Variants in ATP6V1B1 observed in about 807,000 individuals in gnomAD.
The protein encoded by ATP6V1B1 is V-type proton ATPase subunit B, kidney isoform.
In ATP6V1B1, 41 loss-of-function variants were observed where a neutral mutation model predicts 62.1. That is an observed-to-expected ratio of 0.66 (90% CI 0.51 to 0.86). The LOEUF is 0.86. Among genes scored for constraint, ATP6V1B1 ranks in the 40% least tolerant of loss-of-function variants. The probability of loss-of-function intolerance (pLI) is 0.00; values close to 1 mark genes in which losing one functional copy is unlikely to be tolerated. For missense variants in ATP6V1B1, 651 were observed against 697.5 expected, an observed-to-expected ratio of 0.93 and a Z score of 0.75; for synonymous variants, 253 against 273.4, an observed-to-expected ratio of 0.93 and a Z score of 0.74.
intron 9 of ATP6V1B1, 99 bp downstream of exon 9, chr2:70,962,999 C>G: frequency 6.2e-7 from 1 of 1,601,556 alleles, no homozygotes; most frequent in Non-Finnish European, 8.5e-7. Context: ...CTGGTCCACC[C>G]AAGCCTGCCC....
intron 2 of ATP6V1B1, among the ~76,000 whole-genome samples, chr2:70,947,172 C>T (rs1378025629): frequency 6.6e-6 from 1 of 151,996 alleles, no homozygotes; most frequent in Non-Finnish European, 1.5e-5. Context: ...GTGTGCAGAC[C>T]TTTGAAGGTA....
At chr2:70,943,322 G>C (rs1332748005) in intron 1 of ATP6V1B1, 7 of 516,228 alleles carry the variant, frequency 1.4e-5, no homozygotes, top group African/African-American at 1.3e-4. Context: ...TGGAGTGAGA[G>C]AGGAGGGAGT....
chr2:70,941,506 A>G (rs1680004674), intron 1 of ATP6V1B1: 1 of 959,322 alleles, frequency 1.0e-6, no homozygotes, highest in Non-Finnish European at 1.2e-6. Flanking sequence ...GCTTCCTCCA[A>G]GCGCACCCAG....
chr2:70,960,555 C>T (rs1680561156), intron 6 of ATP6V1B1, among the ~76,000 whole-genome samples: 2 of 152,316 alleles, frequency 1.3e-5, no homozygotes, highest in South Asian at 4.1e-4. Context: ...TCCTTCCCAG[C>T]TCTGGACATG....
At position 70,961,694 on chromosome 2, in the gene ATP6V1B1, G is replaced by A. The variant is rs727504746; in HGVS notation, c.785+1G>A. 7.4e-6 allele frequency: 12 copies of A among 1,614,132 alleles called. No individual in the cohort carries two copies. The highest frequency in any genetic ancestry group is 1.6e-4 in the Middle Eastern group (1 of 6,062). On this transcript the variant is annotated splice_donor_variant, in intron 8 of 13. Transcript: ENST00000234396. LOFTEE classifies it high-confidence loss of function. ...TCCTGAACTTGGCCAATGACCCCACGTGAGCTTTCCCTGATGCCCAAACTG... is the reference window on the plus strand; with the variant it reads ...TCCTGAACTTGGCCAATGACCCCACATGAGCTTTCCCTGATGCCCAAACTG...
chr2:70,949,292 G>T (rs1680265765), intron 2 of ATP6V1B1, among the ~76,000 whole-genome samples: 1 of 152,136 alleles, frequency 6.6e-6, no homozygotes. Context: ...GGCATAGCAG[G>T]CGATAGTATG....
intron 2 of ATP6V1B1, among the ~76,000 whole-genome samples, chr2:70,953,169 T>C (rs892960312): frequency 2.0e-5 from 3 of 152,228 alleles, no homozygotes; most frequent in Admixed American, 1.3e-4. Flanking sequence ...TTTCACCACG[T>C]TGGCCAGGCT....
rs1195811349 is a variant in ATP6V1B1 at position 70,960,062 on chromosome 2, G to C, written c.569G>C (p.Gly190Ala). 6 of 1,614,088 alleles carry C rather than the reference G, an allele frequency of 3.7e-6. No individual in the cohort carries two copies. The highest frequency in any genetic ancestry group is 5.1e-6 in the Non-Finnish European group (6 of 1,180,054). Residue 190 changes from glycine (G) to alanine (A), a missense_variant, in exon 6 of 14, where the codon GGG becomes GCG. By Grantham distance (60) the Gly-to-Ala change is moderately conservative. Transcript: ENST00000234396. ...AAGATCCCCATCTTCTCAGCAGCCG[G>C]GCTCCCCCACAATGAGGTGAGGCCT... ...GQKIPIFSAA[G>A]LPHNEIAAQI...
chr2:70,940,957 A>G, intron 1 of ATP6V1B1: 1 of 904,210 alleles, frequency 1.1e-6, no homozygotes, highest in Non-Finnish European at 1.3e-6. Context: ...TCTGTCACCC[A>G]GGCTGGAGTG....
intron 2 of ATP6V1B1, 182 bp from the exon 3 acceptor site, chr2:70,957,864 G>A: frequency 1.5e-6 from 1 of 651,312 alleles, no homozygotes; most frequent in Non-Finnish European, 2.8e-6. Flanking sequence ...TCTGAAGTGG[G>A]TGCAACTGCC....
At chr2:70,939,696 C>G (rs1359924773) in intron 1 of ATP6V1B1, 1 of 152,240 alleles carries the variant, frequency 6.6e-6, no homozygotes, top group Non-Finnish European at 1.5e-5. Flanking sequence ...AGGGGAGAGG[C>G]AGAGCTCTAA....
intron 1 of ATP6V1B1, among the ~76,000 whole-genome samples, chr2:70,943,036 C>A (rs540118473): frequency 8.5e-5 from 13 of 152,332 alleles, no homozygotes; most frequent in African/African-American, 3.1e-4. Flanking sequence ...GCTGCCACAT[C>A]TGCAGGCATT....
chr2:70,957,907 C>A (rs1354104538), intron 2 of ATP6V1B1, 139 bp from the exon 3 acceptor site: 5 of 814,596 alleles, frequency 6.1e-6, no homozygotes, highest in South Asian at 4.4e-5. Flanking sequence ...CACTTCCCAG[C>A]CCCTTGAGTT....
At position 70,964,566 on chromosome 2, in the gene ATP6V1B1, C is replaced by G. The variant is rs533226075; in HGVS notation, c.1248+24C>G. 2.5e-6 allele frequency: 4 copies of G among 1,611,702 alleles called. No homozygotes were observed. In the African/African-American group the frequency reaches 5.3e-5, roughly 21 times the overall value. ...TGGTAAGGAGAAGAGGGTCCGGGGGCTGGTAGGTCCTCTAGTTTCCGAAGC... is the reference window on the plus strand; with the variant it reads ...TGGTAAGGAGAAGAGGGTCCGGGGGGTGGTAGGTCCTCTAGTTTCCGAAGC... On this transcript the variant is annotated intron_variant, in intron 12 of 13. Coordinates refer to ENST00000234396, the MANE Select transcript of ATP6V1B1 (RefSeq NM_001692.4).
chr2:70,960,227 G>GA, intron 6 of ATP6V1B1, 149 bp downstream of exon 6: 2 of 1,234,960 alleles, frequency 1.6e-6, no homozygotes, highest in Non-Finnish European at 2.2e-6. Flanking sequence ...CTGTCCCTGG[G>GA]CAGCTCAGGG....
chr2:70,946,130 G>A (rs948622087), intron 2 of ATP6V1B1, among the ~76,000 whole-genome samples: 1 of 152,076 alleles, frequency 6.6e-6, no homozygotes, highest in African/African-American at 2.4e-5. Flanking sequence ...TTTGCTCAAA[G>A]GAAAGGTGAG....
In ATP6V1B1 at chr2:70,959,805, C is replaced by A; in HGVS notation, c.446-134C>A. 2 of 1,329,010 alleles carry A rather than the reference C, an allele frequency of 1.5e-6. No homozygotes were observed. Among genetic ancestry groups the A allele is most frequent in the South Asian group, 1.2e-5 (1 of 80,474 alleles). 82.3% of individuals were successfully genotyped at this position (1,329,010 alleles called of 1,614,324 possible). On this transcript the variant is annotated intron_variant, in intron 5 of 13. Coordinates refer to ENST00000234396, the MANE Select transcript of ATP6V1B1 (RefSeq NM_001692.4). This position sits in a 1 kb window ranked among gnomAD's most constrained non-coding sequence, Gnocchi z 4.2. ...TTGTATCTAGGGCTACATCAGGCAG[C>A]ACGGCCAGAGCACGTTTCTATCATC...
Position 70,963,371 on chromosome 2 carries a change from G to T in ATP6V1B1, c.1060+59G>T. 1 of 1,611,256 alleles carries T rather than the reference G, an allele frequency of 6.2e-7. No homozygotes were observed. The highest frequency in any genetic ancestry group is 8.5e-7 in the Non-Finnish European group (1 of 1,179,112). On this transcript the variant is annotated intron_variant, in intron 10 of 13. Coordinates refer to ENST00000234396, the MANE Select transcript of ATP6V1B1 (RefSeq NM_001692.4). The surrounding 1 kb of genome is among the most constrained non-coding windows in gnomAD (Gnocchi z 4.3). ...TCCCCTGTCCTCCCTTTTCCAACCA[G>T]ATACTTAAAGGGCCCACGTTGCTTT...
At chr2:70,937,018 C>A (rs1386201551) in intron 1 of ATP6V1B1, among the ~76,000 whole-genome samples, 1 of 152,028 alleles carries the variant, frequency 6.6e-6, no homozygotes, top group Non-Finnish European at 1.5e-5. Context: ...CTGGTGAATT[C>A]TCAGGCCGCC....
Sources: gnomAD v4.1 joint callset for allele counts (sites outside exome capture counted in the v4.1 genomes callset) on GRCh38, gnomAD v4.1.1 for gene constraint, Gnocchi (gnomAD v3.1) non-coding constraint, MANE v1.5 for transcripts, NCBI Gene and HGNC (gene_info 2026-07-23, HGNC 2026-07-21) for gene names.